The following GALNT9 variants were observed in gnomAD, a reference collection of about 807,000 sequenced individuals.
GALNT9 encodes GalNAc transferase 9.
GALNT9 carries 47 observed loss-of-function variants against 63.1 expected under a neutral mutation model. The ratio of observed to expected loss-of-function variants is 0.75; its 90% CI spans 0.59 to 0.95. The LOEUF is 0.95. Ranked by LOEUF, GALNT9 falls within the 40% of genes least tolerant of loss-of-function variation. The pLI is 0.00. For missense variants in GALNT9, 829 were observed against 874.8 expected (o/e 0.95, Z 0.66); for synonymous variants, 396 against 365.7 (o/e 1.08, Z -0.94).
chr12:132,266,029 C>T (rs552557055), intron 2 of GALNT9, among the ~76,000 whole-genome samples: 31 of 149,028 alleles, frequency 2.1e-4, no homozygotes, highest in Middle Eastern at 3.5e-3. Context: ...CGCCCGACCT[C>T]GCCGTATTTC....
At position 132,245,675 on chromosome 12, in the gene GALNT9, G is replaced by A. The variant is rs1456562373; in HGVS notation, c.1077+2235C>T. Among the ~76,000 whole-genome samples, 5 of 152,078 alleles carry A rather than the reference G, an allele frequency of 3.3e-5. No homozygotes were observed. The highest frequency in any genetic ancestry group is 1.9e-4 in the East Asian group (1 of 5,188). On this transcript the variant is annotated intron_variant, in intron 6 of 10. Transcript: ENST00000328957. This position sits in a 1 kb window ranked among gnomAD's most constrained non-coding sequence, Gnocchi z 6.3. ...CCCCCAGCCCGGCCTGCTGACCCTC[G>A]CCCACCACACAGGTTCGCTGTCGTC...
In GALNT9 at chr12:132,316,771, T is replaced by C. The variant is rs1470245522; in HGVS notation, c.238+12195A>G. ...CCCATCACGAGCACTGGCGCTCACATGGGGTACTCGGACCCATAGGGACAT... is the reference window on the plus strand; with the variant it reads ...CCCATCACGAGCACTGGCGCTCACACGGGGTACTCGGACCCATAGGGACAT... On this transcript the variant is annotated intron_variant, in intron 1 of 10. Coordinates refer to ENST00000328957, the MANE Select transcript of GALNT9 (RefSeq NM_001122636.2). This position sits in a 1 kb window ranked among gnomAD's most constrained non-coding sequence, Gnocchi z 4.3. 2.6e-5 allele frequency among the ~76,000 whole-genome samples: 4 copies of C among 152,008 alleles called. No individual in the cohort carries two copies. Among genetic ancestry groups the C allele is most frequent in the Non-Finnish European group, 5.9e-5 (4 of 67,984 alleles).
At position 132,290,633 on chromosome 12, in the gene GALNT9, C is replaced by T. The variant is rs567777945; in HGVS notation, c.239-4203G>A. Among the ~76,000 whole-genome samples, 6 of 133,298 alleles carry T rather than the reference C, an allele frequency of 4.5e-5. No individual in the cohort carries two copies. The South Asian group carries it at 1.0e-3, about 23-fold the overall frequency. The allele number at this position is 133,298 out of a possible 152,430, so 87.4% of individuals were successfully genotyped here. ...ACAGCACCCACAACCACAGTGCCCA[C>T]GTCCACACCACCCACATCCACAGCG... On this transcript the variant is annotated intron_variant, in intron 1 of 10. Transcript: ENST00000328957.
chr12:132,240,570 G>A, intron 6 of GALNT9: 1 of 453,934 alleles, frequency 2.2e-6, no homozygotes, highest in Non-Finnish European at 4.4e-6. Flanking sequence ...TGGGCTCCGT[G>A]CGTGGCCCCG....
chr12:132,282,019 G>A lies in GALNT9; in HGVS notation c.419+4231C>T, dbSNP rs577949074. Among the ~76,000 whole-genome samples the A allele has an allele frequency of 1.4e-5, 2 of 146,232 alleles. No individual in the cohort carries two copies. Among genetic ancestry groups the A allele is most frequent in the South Asian group, 4.4e-4 (2 of 4,524 alleles). ...CCACTGCAGCAAGGCCAGGCCTGGG[G>A]GTCCCCGATCCCACAGAGGAGGAAT... On this transcript the variant is annotated intron_variant, in intron 2 of 10. Coordinates refer to ENST00000328957, the MANE Select transcript of GALNT9 (RefSeq NM_001122636.2). This position sits in a 1 kb window ranked among gnomAD's most constrained non-coding sequence, Gnocchi z 4.5.
chr12:132,312,325 C>T (rs1366683218), intron 1 of GALNT9, among the ~76,000 whole-genome samples: 1 of 152,240 alleles, frequency 6.6e-6, no homozygotes, highest in Non-Finnish European at 1.5e-5. Context: ...AGAAGGATTT[C>T]CTGGCCCTCT....
rs552131693 is a variant in GALNT9 at position 132,217,414 on chromosome 12, G to A, written c.1078-13724C>T. 1.1e-3 allele frequency among the ~76,000 whole-genome samples: 145 copies of A among 133,298 alleles called. 1 individual carries two copies. Among genetic ancestry groups the A allele is most frequent in the African/African-American group, 4.0e-3 (137 of 34,336 alleles). 87.4% of individuals were successfully genotyped at this position (133,298 alleles called of 152,430 possible). Reference sequence around the variant, plus strand: ...CCACTATCTATCCATTCATCTACATGCACTCATCCATCCATCCACTCATTC... The same window carrying A: ...CCACTATCTATCCATTCATCTACATACACTCATCCATCCATCCACTCATTC... On this transcript the variant is annotated intron_variant, in intron 6 of 10. Transcript: ENST00000328957.
At chr12:132,289,851 G>C (rs906134392) in intron 1 of GALNT9, among the ~76,000 whole-genome samples, 14 of 152,192 alleles carry the variant, frequency 9.2e-5, no homozygotes, top group African/African-American at 3.1e-4. Context: ...GGTCCTCCTT[G>C]GTCACAGGCG....
Position 132,265,953 on chromosome 12 carries a change from C to T in GALNT9, c.420-3328G>A, listed in dbSNP as rs1002384248. 2.0e-5 allele frequency among the ~76,000 whole-genome samples: 3 copies of T among 152,014 alleles called. No homozygotes were observed. The highest frequency in any genetic ancestry group is 2.4e-5 in the African/African-American group (1 of 41,260). On this transcript the variant is annotated intron_variant, in intron 2 of 10. Transcript: ENST00000328957. The surrounding 1 kb of genome is among the most constrained non-coding windows in gnomAD (Gnocchi z 5.3). ...AACCACAGGCCTGTCTGCCTTTACACGCCCGACCTCGCCGTATTTCATGAA... is the reference window on the plus strand; with the variant it reads ...AACCACAGGCCTGTCTGCCTTTACATGCCCGACCTCGCCGTATTTCATGAA...
At position 132,261,142 on chromosome 12, in the gene GALNT9, T is replaced by A. The variant is rs1879368324; in HGVS notation, c.587-20A>T. Reference sequence around the variant, plus strand: ...GTTCCACTGAGGAGAGACAAGACTTTAGCACGCTGGCAGGTGCTGGCAGGC... The same window carrying A: ...GTTCCACTGAGGAGAGACAAGACTTAAGCACGCTGGCAGGTGCTGGCAGGC... On this transcript the variant is annotated intron_variant, in intron 3 of 10. Transcript: ENST00000328957. 6.5e-7 allele frequency: 1 copy of A among 1,547,854 alleles called. No individual in the cohort carries two copies.
At position 132,197,793 on chromosome 12, in the gene GALNT9, T is replaced by C; in HGVS notation, c.1664A>G (p.Gln555Arg). ...RPTQRLWDFTQSGPIVSRATG... is the reference protein window; with the variant it reads ...RPTQRLWDFTRSGPIVSRATG... Reference sequence around the variant, plus strand: ...GGCCCCCCTTCCCCAGAGGCTGACCTGGGTGAAGTCCCACAGCCGCTGTGT... The same window carrying C: ...GGCCCCCCTTCCCCAGAGGCTGACCCGGGTGAAGTCCCACAGCCGCTGTGT... Residue 555 changes from glutamine to arginine, a missense_variant and splice_region_variant, in exon 10 of 11, where the codon CAG (glutamine) becomes CGG (arginine). Gln to Arg is a conservative substitution (Grantham distance 43, BLOSUM62 1). Transcript: ENST00000328957. 1 of 1,223,220 alleles carries C rather than the reference T, an allele frequency of 8.2e-7. No homozygotes were observed. The highest frequency in any genetic ancestry group is 1.1e-6 in the Non-Finnish European group (1 of 893,768). 75.8% of individuals were successfully genotyped at this position (1,223,220 alleles called of 1,614,324 possible).
rs551338392 is a variant in GALNT9, at chr12:132,245,097, C to T, written c.1077+2813G>A. On this transcript the variant is annotated intron_variant, in intron 6 of 10. Transcript: ENST00000328957. The surrounding 1 kb of genome is among the most constrained non-coding windows in gnomAD (Gnocchi z 6.3). ...AGGGGATGAAGGTGAAAGACAGAAC[C>T]CGCGGTGACACAGGCTCCCCTGCCC... is the stretch of plus-strand genomic sequence containing the variant. Among the ~76,000 whole-genome samples, 4 of 151,972 alleles carry T rather than the reference C, an allele frequency of 2.6e-5. No individual in the cohort carries two copies. Among genetic ancestry groups the T allele is most frequent in the Admixed American group, 6.5e-5 (1 of 15,282 alleles).
At chr12:132,307,383 G>C (rs1247048000) in intron 1 of GALNT9, among the ~76,000 whole-genome samples, 1 of 152,100 alleles carries the variant, frequency 6.6e-6, no homozygotes, top group Non-Finnish European at 1.5e-5. Flanking sequence ...ATAAATAACC[G>C]ATTCCAAAGG....
intron 1 of GALNT9, among the ~76,000 whole-genome samples, chr12:132,326,858 C>T (rs1163917367): frequency 6.6e-6 from 1 of 152,196 alleles, no homozygotes; most frequent in Admixed American, 6.5e-5. Context: ...AACATCAGAG[C>T]GGGTAATGCT....
At position 132,310,154 on chromosome 12, in the gene GALNT9, G is replaced by A. The variant is rs1273211614; in HGVS notation, c.238+18812C>T. Among the ~76,000 whole-genome samples, 3 of 152,262 alleles carry A rather than the reference G, an allele frequency of 2.0e-5. No homozygotes were observed. Among genetic ancestry groups the A allele is most frequent in the Non-Finnish European group, 4.4e-5 (3 of 68,054 alleles). On this transcript the variant is annotated intron_variant, in intron 1 of 10. Transcript: ENST00000328957. This position sits in a 1 kb window ranked among gnomAD's most constrained non-coding sequence, Gnocchi z 4.8. ...AATGCTCGGGGCTGGAGCAGCCAATGTGTGACCATGAGACCGAATGCCTCC... is the reference window on the plus strand; with the variant it reads ...AATGCTCGGGGCTGGAGCAGCCAATATGTGACCATGAGACCGAATGCCTCC...
chr12:132,243,300 C>A (rs1280697371), intron 6 of GALNT9, among the ~76,000 whole-genome samples: 3 of 143,358 alleles, frequency 2.1e-5, no homozygotes, highest in South Asian at 2.1e-4. Context: ...CGGGGCCCTC[C>A]CTATACCCAT....
intron 6 of GALNT9, among the ~76,000 whole-genome samples, chr12:132,247,122 G>A (rs1384206692): frequency 2.0e-5 from 3 of 151,334 alleles, no homozygotes; most frequent in African/African-American, 4.9e-5. Flanking sequence ...AGAAGCAGAA[G>A]CCCGGCCGAG....
At chr12:132,326,853 C>T (rs1422559783) in intron 1 of GALNT9, among the ~76,000 whole-genome samples, 5 of 152,230 alleles carry the variant, frequency 3.3e-5, no homozygotes, top group Non-Finnish European at 7.3e-5. Context: ...GTGCCAACAT[C>T]AGAGCGGGTA....
intron 1 of GALNT9, among the ~76,000 whole-genome samples, chr12:132,289,687 G>A (rs1555242519): frequency 6.6e-6 from 1 of 152,212 alleles, no homozygotes; most frequent in Admixed American, 6.5e-5. Context: ...GCCTCTGAAT[G>A]AGTGTGTTTT....
Sources: gnomAD v4.1 joint callset for allele counts (sites outside exome capture counted in the v4.1 genomes callset) on GRCh38, gnomAD v4.1.1 for gene constraint, Gnocchi (gnomAD v3.1) non-coding constraint, MANE v1.5 for transcripts, NCBI Gene and HGNC (gene_info 2026-07-23, HGNC 2026-07-21) for gene names.